The following NRXN3 variants were observed in gnomAD, a reference collection of about 807,000 sequenced individuals.
NRXN3 encodes neurexin III.
A neutral mutation model predicts 137.6 loss-of-function variants in NRXN3; 32 were observed. The ratio of observed to expected loss-of-function variants is 0.23; its 90% CI spans 0.18 to 0.31. The LOEUF is 0.31. Ranked by LOEUF, NRXN3 falls within the 10% of genes least tolerant of loss-of-function variation. The pLI is 1.00. For synonymous variants in NRXN3, 798 were observed against 784.5 expected (o/e 1.02, Z -0.29); for missense variants, 1,574 against 2,062.5 (o/e 0.76, Z 4.59).
At chr14:79,277,077 G>A (rs1948918070) in intron 15 of NRXN3, among the ~76,000 whole-genome samples, 1 of 152,174 alleles carries the variant, frequency 6.6e-6, no homozygotes, top group East Asian at 1.9e-4. Flanking sequence ...AAGGTAATGG[G>A]AGGGGATGCC....
At position 79,467,270 on chromosome 14, in the gene NRXN3, C is replaced by A. The variant is rs753064205; in HGVS notation, c.3312C>A (p.Thr1104=). The change falls in exon 16 of 21, where the codon ACC becomes ACA. Residue 1104 remains threonine, a synonymous_variant. Transcript: ENST00000335750. The part of the protein sequence containing the change: ...FGKSGGLILY[T]WPANDRPSTR... Reference sequence around the variant, plus strand: ...AAAGTGGTGGGCTTATCCTCTACACCTGGCCAGCCAATGACAGGCCCAGCA... The same window carrying A: ...AAAGTGGTGGGCTTATCCTCTACACATGGCCAGCCAATGACAGGCCCAGCA... 1 of 1,612,640 alleles carries A rather than the reference C, an allele frequency of 6.2e-7. No individual in the cohort carries two copies. Among genetic ancestry groups the A allele is most frequent in the Non-Finnish European group, 8.5e-7 (1 of 1,178,836 alleles).
chr14:79,132,567 A>G (rs73324764), intron 15 of NRXN3, among the ~76,000 whole-genome samples: 6,685 of 152,296 alleles, frequency 0.044, 532 homozygotes, highest in African/African-American at 0.15. Context: ...TTAAAATTAT[A>G]TATTTGCTTT....
At chr14:78,709,960 T>C (rs1375214313) in intron 7 of NRXN3, 5 of 359,910 alleles carry the variant, frequency 1.4e-5, no homozygotes, top group Non-Finnish European at 2.6e-5. Flanking sequence ...CTCATGTCAC[T>C]GGTGTGATCC....
At chr14:78,569,903 C>G (rs932123391) in intron 4 of NRXN3, among the ~76,000 whole-genome samples, 2 of 152,244 alleles carry the variant, frequency 1.3e-5, no homozygotes, top group African/African-American at 4.8e-5. Flanking sequence ...CACCCGGAAA[C>G]TGCAGTTCTA....
intron 20 of NRXN3, among the ~76,000 whole-genome samples, chr14:79,835,024 A>G (rs1341080407): frequency 2.6e-5 from 4 of 152,134 alleles, no homozygotes; most frequent in East Asian, 1.9e-4. Context: ...GCAGTCTCCA[A>G]AAAGAAGTCA....
At chr14:79,438,613 C>A (rs1462840474) in intron 15 of NRXN3, among the ~76,000 whole-genome samples, 1 of 152,176 alleles carries the variant, frequency 6.6e-6, no homozygotes. Flanking sequence ...AGTAGAGCAG[C>A]AACAACAAAG....
intron 4 of NRXN3, among the ~76,000 whole-genome samples, chr14:78,594,493 G>A (rs1173587279): frequency 1.3e-5 from 2 of 152,196 alleles, no homozygotes; most frequent in Admixed American, 1.3e-4. Context: ...ACTTACCCAG[G>A]TCATGGTGAG....
chr14:78,773,477 C>G (rs1214474027), intron 8 of NRXN3, among the ~76,000 whole-genome samples: 1 of 152,108 alleles, frequency 6.6e-6, no homozygotes, highest in Admixed American at 6.6e-5. Flanking sequence ...CATGTTTGGC[C>G]AAATCTCCTA....
intron 8 of NRXN3, among the ~76,000 whole-genome samples, chr14:78,749,263 T>C (rs2098629566): frequency 6.6e-6 from 1 of 152,158 alleles, no homozygotes; most frequent in Non-Finnish European, 1.5e-5. Flanking sequence ...CGATTCCAAG[T>C]TGACAAATGA....
At chr14:79,441,919 C>T (rs2095969366) in intron 15 of NRXN3, among the ~76,000 whole-genome samples, 1 of 150,788 alleles carries the variant, frequency 6.6e-6, no homozygotes, top group African/African-American at 2.4e-5. Flanking sequence ...CATGTTTTAT[C>T]AGCCCATGTG....
intron 15 of NRXN3, among the ~76,000 whole-genome samples, chr14:79,288,378 T>A (rs1458517129): frequency 1.3e-5 from 2 of 152,170 alleles, no homozygotes; most frequent in Non-Finnish European, 2.9e-5. Flanking sequence ...AAAGAGGAAA[T>A]GGTTTATTTC....
At chr14:79,214,547 T>C (rs1055026164) in intron 15 of NRXN3, among the ~76,000 whole-genome samples, 2 of 152,232 alleles carry the variant, frequency 1.3e-5, no homozygotes, top group African/African-American at 4.8e-5. Context: ...GGTCACTCTA[T>C]ATTATATGTA....
At chr14:79,351,112 C>A (rs1026706537) in intron 15 of NRXN3, among the ~76,000 whole-genome samples, 27 of 152,268 alleles carry the variant, frequency 1.8e-4, no homozygotes, top group Non-Finnish European at 3.4e-4. Flanking sequence ...GTCTCTGCAG[C>A]CTCCAAAGTA....
At chr14:78,260,615 C>T (rs559368961) in intron 2 of NRXN3, among the ~76,000 whole-genome samples, 4 of 152,276 alleles carry the variant, frequency 2.6e-5, no homozygotes, top group African/African-American at 9.6e-5. Context: ...AGGTCTTTCC[C>T]ATGCTATTGT....
chr14:79,272,987 A>G (rs1383059611), intron 15 of NRXN3, among the ~76,000 whole-genome samples: 2 of 151,906 alleles, frequency 1.3e-5, no homozygotes, highest in African/African-American at 4.8e-5. Context: ...CCTGGCTAAC[A>G]TGGTGAAACC....
rs75709251 is a variant in NRXN3, at chr14:78,609,727, A to G, written c.758-35393A>G. 4.3e-3 allele frequency among the ~76,000 whole-genome samples: 656 copies of G among 152,328 alleles called. 5 individuals are homozygous for G. Among genetic ancestry groups the G allele is most frequent in the African/African-American group, 0.014 (600 of 41,566 alleles). On this transcript the variant is annotated intron_variant, in intron 4 of 20. Transcript: ENST00000335750. ...ACTTTTTGGCACCTAGTAAGTGTTC[A>G]ATAAATTACCACTTTGCTTATTTTT...
intron 4 of NRXN3, among the ~76,000 whole-genome samples, chr14:78,602,976 G>A (rs369430167): frequency 1.7e-4 from 26 of 152,240 alleles, no homozygotes; most frequent in Admixed American, 3.9e-4. Flanking sequence ...TGTGCTTAGC[G>A]TGGGGAGACA....
intron 4 of NRXN3, among the ~76,000 whole-genome samples, chr14:78,578,994 A>G (rs1338190531): frequency 1.3e-5 from 2 of 152,028 alleles, no homozygotes; most frequent in Non-Finnish European, 2.9e-5. Context: ...GAGGTTTTAC[A>G]AGTGCTGAGA....
At chr14:78,749,747 T>C (rs1039988743) in intron 8 of NRXN3, among the ~76,000 whole-genome samples, 1 of 152,204 alleles carries the variant, frequency 6.6e-6, no homozygotes, top group Non-Finnish European at 1.5e-5. Context: ...TCTATCTCCC[T>C]GGGGTTCCTT....
Sources: gnomAD v4.1 joint callset for allele counts (sites outside exome capture counted in the v4.1 genomes callset) on GRCh38, gnomAD v4.1.1 for gene constraint, MANE v1.5 for transcripts, NCBI Gene and HGNC (gene_info 2026-07-23, HGNC 2026-07-21) for gene names.